ANO4: variants seen among roughly 807,000 people sequenced by gnomAD.
ANO4 encodes anoctamin 4.
ANO4 carries 69 observed loss-of-function variants against 141.9 expected under a neutral mutation model. The ratio of observed to expected loss-of-function variants is 0.49; its 90% confidence interval spans 0.40 to 0.59. The LOEUF is 0.59. Ranked by LOEUF, ANO4 falls within the 20% of genes least tolerant of loss-of-function variation. ANO4 has a pLI of 0.00. For missense variants in ANO4, 894 were observed against 1,162.2 expected (o/e 0.77, Z 3.36); for synonymous variants, 350 against 394.3 (o/e 0.89, Z 1.33).
At position 101,037,147 on chromosome 12, in the gene ANO4, T is replaced by C. The variant is rs142484336; in HGVS notation, c.894T>C (p.His298=). Residue 298 remains histidine (H), a synonymous_variant, in exon 10 of 28, where the codon CAT becomes CAC. Coordinates refer to ENST00000392977, the MANE Select transcript of ANO4 (RefSeq NM_001286615.2). ...NGSYEAAFPL[H]EGSYRSKNSI... ...CCTATGAAGCTGCGTTTCCCCTGCA[T>C]GAGGTATTGTGCTGTCTTTAATCTT... 3.5e-5 allele frequency: 56 copies of C among 1,613,844 alleles called. No individual in the cohort carries two copies. Among genetic ancestry groups the C allele is most frequent in the Non-Finnish European group, 4.7e-5 (55 of 1,179,852 alleles).
rs536931514 is a variant in ANO4, at chr12:101,016,211, T to C, written c.735-3823T>C. Among the ~76,000 whole-genome samples, 6 of 152,236 alleles carry C rather than the reference T, an allele frequency of 3.9e-5. No individual in the cohort carries two copies. The East Asian group carries it at 7.7e-4, about 20-fold the overall frequency. On this transcript the variant is annotated intron_variant, in intron 8 of 27. Coordinates refer to ENST00000392977, the MANE Select transcript of ANO4 (RefSeq NM_001286615.2). ...ACGAGGTCTATTTTGGCCACAGTTA[T>C]ATAAACCTGTACAGGAAGCATGGCA...
chr12:100,970,324 G>A (rs1194129190), intron 5 of ANO4, among the ~76,000 whole-genome samples: 1 of 152,168 alleles, frequency 6.6e-6, no homozygotes, highest in Admixed American at 6.5e-5. Context: ...TGCACGTCCT[G>A]TCTTCTGCTC....
chr12:100,817,456 A>C (rs578104877), intron 1 of ANO4, among the ~76,000 whole-genome samples: 1 of 152,036 alleles, frequency 6.6e-6, no homozygotes, highest in African/African-American at 2.4e-5. Context: ...TATTCTAATG[A>C]AGCTATATGC....
At position 100,871,546 on chromosome 12, in the gene ANO4, T is replaced by A. The variant is rs564036796; in HGVS notation, c.-140-30100T>A. On this transcript the variant is annotated intron_variant, in intron 1 of 27. Transcript: ENST00000392977. ...CCTTTTACAAGTCTTTTTCCTTCTG[T>A]AGACTGAATGCCCTGACAGCAAGGA... Among the ~76,000 whole-genome samples, 51 of 152,350 alleles carry A rather than the reference T, an allele frequency of 3.3e-4. 1 individual carries two copies. The highest frequency in any genetic ancestry group is 1.2e-3 in the African/African-American group (48 of 41,590).
chr12:100,911,957 A>C (rs2041118692), intron 2 of ANO4, among the ~76,000 whole-genome samples: 1 of 152,132 alleles, frequency 6.6e-6, no homozygotes, highest in African/African-American at 2.4e-5. Context: ...GGCTTTCACA[A>C]ATTTTTCTCC....
At chr12:100,871,598 C>T (rs934968150) in intron 1 of ANO4, among the ~76,000 whole-genome samples, 4 of 152,346 alleles carry the variant, frequency 2.6e-5, no homozygotes, top group East Asian at 3.9e-4. Flanking sequence ...ATTCTGCATA[C>T]ACTCTGATTG....
chr12:100,832,202 G>A (rs905236928), intron 1 of ANO4, among the ~76,000 whole-genome samples: 6 of 152,032 alleles, frequency 3.9e-5, no homozygotes, highest in African/African-American at 7.2e-5. Context: ...GAGTCTACCT[G>A]TCATGAAAGA....
At chr12:101,126,820 T>C in intron 26 of ANO4, 59 bp from the exon 27 acceptor site, 2 of 1,508,334 alleles carry the variant, frequency 1.3e-6, no homozygotes, top group Non-Finnish European at 1.8e-6. Flanking sequence ...CAGCCAACTC[T>C]CTAACCTCAT....
intron 22 of ANO4, among the ~76,000 whole-genome samples, chr12:101,107,550 C>CTAGG (rs10644134): frequency 6.6e-6 from 1 of 151,520 alleles, no homozygotes; most frequent in African/African-American, 2.4e-5. Flanking sequence ...CATAGCAACA[C>CTAGG]TGCATATATG....
chr12:100,870,354 G>T (rs866415133), intron 1 of ANO4, among the ~76,000 whole-genome samples: 3 of 152,040 alleles, frequency 2.0e-5, no homozygotes, highest in Non-Finnish European at 4.4e-5. Context: ...CCTTTCTTTA[G>T]TTATCCTTAT....
At chr12:100,812,334 T>C (rs1475212943) in intron 1 of ANO4, among the ~76,000 whole-genome samples, 2 of 152,300 alleles carry the variant, frequency 1.3e-5, no homozygotes, top group East Asian at 1.9e-4. Flanking sequence ...TGATTTTATG[T>C]GACAGTCTTC....
At chr12:100,856,777 G>T (rs2038196939) in intron 1 of ANO4, among the ~76,000 whole-genome samples, 1 of 152,062 alleles carries the variant, frequency 6.6e-6, no homozygotes, top group Admixed American at 6.6e-5. Context: ...TCGCATTGTG[G>T]AAGAATCACA....
intron 1 of ANO4, among the ~76,000 whole-genome samples, chr12:100,816,130 A>G (rs1014141489): frequency 6.6e-6 from 1 of 152,098 alleles, no homozygotes; most frequent in African/African-American, 2.4e-5. Context: ...AATGCATGGC[A>G]TAGTATTATT....
At chr12:100,883,987 G>T (rs987923425) in intron 1 of ANO4, among the ~76,000 whole-genome samples, 2 of 152,180 alleles carry the variant, frequency 1.3e-5, no homozygotes, top group Non-Finnish European at 2.9e-5. Context: ...AACCATATCA[G>T]AAATGTAATT....
chr12:101,073,056 C>T (rs539926561), intron 14 of ANO4, among the ~76,000 whole-genome samples: 2 of 152,270 alleles, frequency 1.3e-5, no homozygotes, highest in East Asian at 3.9e-4. Context: ...ACTGGAAATA[C>T]CATTTGACCC....
At chr12:101,059,952 GT>G (rs1238751557) in intron 14 of ANO4, among the ~76,000 whole-genome samples, 1 of 152,118 alleles carries the variant, frequency 6.6e-6, no homozygotes, top group African/African-American at 2.4e-5. Context: ...TGCTTCTCTA[GT>G]TCTTTTAATT....
chr12:101,019,956 C>A, intron 8 of ANO4, 78 bp from the exon 9 acceptor site: 1 of 1,192,134 alleles, frequency 8.4e-7, no homozygotes, highest in Non-Finnish European at 1.2e-6. Context: ...TGCATCTGAG[C>A]AACACCAAAT....
At position 100,750,715 on chromosome 12, in the gene ANO4, C is replaced by T. The variant is rs528606682; in HGVS notation, c.358+10610C>T. Among the ~76,000 whole-genome samples the T allele has an allele frequency of 7.2e-5, 11 of 152,264 alleles. No individual in the cohort carries two copies. The South Asian group carries it at 2.1e-3, about 29-fold the overall frequency. On this transcript the variant is annotated intron_variant, in intron 3 of 29. Coordinates refer to the ANO4 transcript ENST00000644049. ...GTTATAAGTGGGAAGTCTGCTTATG[C>T]CCTGTTACAGGAATATTATTTGTCT... is the stretch of plus-strand genomic sequence containing the variant.
chr12:100,930,563 C>T (rs906373938), intron 3 of ANO4, among the ~76,000 whole-genome samples: 1 of 151,756 alleles, frequency 6.6e-6, no homozygotes. Context: ...ATGCCAGTTC[C>T]ATACAGAAAT....
Sources: allele counts gnomAD v4.1 joint callset (sites outside exome capture counted in the v4.1 genomes callset), GRCh38; gene constraint gnomAD v4.1.1; transcripts MANE v1.5; gene names NCBI Gene and HGNC (gene_info 2026-07-23, HGNC 2026-07-21).